The following FLRT2 variants were observed in gnomAD, a reference collection of about 807,000 sequenced individuals.
FLRT2 encodes the protein leucine-rich repeat transmembrane protein FLRT2.
Under a neutral mutation model 40.0 loss-of-function variants are expected in FLRT2, and 15 were observed. The observed-to-expected ratio is 0.38, with a 90% CI of 0.25 to 0.58. The LOEUF (loss-of-function observed/expected upper bound fraction) is 0.58, where lower values mean the gene tolerates loss of function less well. Ranked by LOEUF, FLRT2 falls within the 20% of genes least tolerant of loss-of-function variation. The pLI, the probability that FLRT2 is intolerant of heterozygous loss-of-function variation, is 0.71. For synonymous variants in FLRT2, 380 were observed against 336.8 expected (o/e 1.13, Z -1.41); for missense variants, 726 against 840.0 (o/e 0.86, Z 1.68).
At chr14:85,566,186 C>T (rs1449614686) in intron 1 of FLRT2, among the ~76,000 whole-genome samples, 2 of 152,096 alleles carry the variant, frequency 1.3e-5, no homozygotes, top group South Asian at 4.2e-4. Flanking sequence ...CACTGGAGAT[C>T]AGGAGACAAA....
At chr14:85,540,772 G>A (rs948109704) in intron 1 of FLRT2, among the ~76,000 whole-genome samples, 4 of 151,924 alleles carry the variant, frequency 2.6e-5, no homozygotes, top group African/African-American at 9.7e-5. Flanking sequence ...TAAAGTATGT[G>A]GCCACAGAAC....
rs1280911417 is a variant in FLRT2, at chr14:85,653,775, G to A, written c.*30278G>A. 4 of 152,094 alleles carry A rather than the reference G, an allele frequency of 2.6e-5. No homozygotes were observed. The highest frequency in any genetic ancestry group is 9.7e-5 in the African/African-American group (4 of 41,416). The allele number at this position is 152,094 out of a possible 1,614,324, so 9.4% of individuals were successfully genotyped here. Reference sequence around the variant, plus strand: ...GGCTTGTGTTGCAGGGATGTTTTGAGGATATGTTGATGTGTGTGACTCCTT... The same window carrying A: ...GGCTTGTGTTGCAGGGATGTTTTGAAGATATGTTGATGTGTGTGACTCCTT... On this transcript the variant is annotated 3_prime_UTR_variant, in exon 2 of 2. Coordinates refer to ENST00000330753, the MANE Select transcript of FLRT2 (RefSeq NM_013231.6).
chr14:85,573,170 G>A (rs1389221299), intron 1 of FLRT2, among the ~76,000 whole-genome samples: 2 of 151,902 alleles, frequency 1.3e-5, no homozygotes, highest in African/African-American at 4.8e-5. Flanking sequence ...GGGATGGGTG[G>A]CAAGTTATTT....
In FLRT2 at chr14:85,619,880, C is replaced by T. The variant is rs184009745; in HGVS notation, c.-376-1259C>T. Among the ~76,000 whole-genome samples, 3 of 152,320 alleles carry T rather than the reference C, an allele frequency of 2.0e-5. No individual in the cohort carries two copies. In the East Asian group the frequency reaches 5.8e-4, roughly 29 times the overall value. On this transcript the variant is annotated intron_variant, in intron 1 of 1. Transcript: ENST00000330753. ...CTGTGGATTGCCTTGACTTCCTCAA[C>T]TGTGTCTTCTGTCATTTCGAAATTT... is the stretch of plus-strand genomic sequence containing the variant.
rs1293250107 is a variant in FLRT2, at chr14:85,643,334, T to TTC, written c.*19837_*19838insTC. On this transcript the variant is annotated 3_prime_UTR_variant, in exon 2 of 2. Coordinates refer to ENST00000330753, the MANE Select transcript of FLRT2 (RefSeq NM_013231.6). ...TTCTTTCTTTCTTTCTTTCTTTCTTTCTTTCTTTCTTTCTTTCTTTCTTCC... is the reference window on the plus strand; with the variant it reads ...TTCTTTCTTTCTTTCTTTCTTTCTTTTCCTTTCTTTCTTTCTTTCTTTCTTCC... 147 of 115,122 alleles carry TTC rather than the reference T, an allele frequency of 1.3e-3. 2 individuals are homozygous for TTC. Among genetic ancestry groups the TTC allele is most frequent in the African/African-American group, 5.1e-3 (139 of 27,166 alleles). 7.1% of individuals were successfully genotyped at this position (115,122 alleles called of 1,614,324 possible).
At position 85,622,458 on chromosome 14, in the gene FLRT2, A is replaced by G; in HGVS notation, c.944A>G (p.Asp315Gly). 6.2e-7 allele frequency: 1 copy of G among 1,614,114 alleles called. No individual in the cohort carries two copies. The highest frequency in any genetic ancestry group is 8.5e-7 in the Non-Finnish European group (1 of 1,180,006). Residue 315 changes from aspartate (D) to glycine (G), a missense_variant, in exon 2 of 2, where the codon GAC (aspartate) becomes GGC (glycine). Physicochemically the swap from Asp to Gly is moderately conservative, Grantham distance 94 (BLOSUM62 -1). Coordinates refer to ENST00000330753, the MANE Select transcript of FLRT2 (RefSeq NM_013231.6). The part of the protein sequence containing the change: ...LTARNNPWFC[D>G]CSIKWVTEWL... ...GCTCGGAATAACCCTTGGTTTTGTG[A>G]CTGCAGTATTAAATGGGTCACAGAA...
At chr14:85,579,007 A>G (rs1891263804) in intron 1 of FLRT2, among the ~76,000 whole-genome samples, 2 of 152,198 alleles carry the variant, frequency 1.3e-5, no homozygotes, top group African/African-American at 4.8e-5. Flanking sequence ...GATAGAAATC[A>G]GCTTTGGGAA....
At chr14:85,564,863 A>G (rs779863000) in intron 1 of FLRT2, among the ~76,000 whole-genome samples, 2 of 152,204 alleles carry the variant, frequency 1.3e-5, no homozygotes, top group African/African-American at 4.8e-5. Flanking sequence ...TGTGAGATAG[A>G]TAAGATTTAT....
intron 1 of FLRT2, among the ~76,000 whole-genome samples, chr14:85,574,111 G>A (rs8021645): frequency 0.23 from 34,987 of 151,904 alleles, 5,078 homozygotes; most frequent in African/African-American, 0.4. Context: ...TAGTGATAAG[G>A]GCATCTGGGC....
chr14:85,576,777 G>A (rs1329799516), intron 1 of FLRT2, among the ~76,000 whole-genome samples: 1 of 152,168 alleles, frequency 6.6e-6, no homozygotes, highest in Non-Finnish European at 1.5e-5. Context: ...TTGCATTGGA[G>A]AAAAGGTATT....
intron 1 of FLRT2, among the ~76,000 whole-genome samples, chr14:85,615,041 A>T (rs1285836690): frequency 6.6e-6 from 1 of 152,150 alleles, no homozygotes; most frequent in Non-Finnish European, 1.5e-5. Context: ...GGGACCAACT[A>T]CCCAACCAGT....
At chr14:85,562,552 G>A (rs1890400817) in intron 1 of FLRT2, 1 of 151,396 alleles carries the variant, frequency 6.6e-6, no homozygotes, top group Non-Finnish European at 1.5e-5. Flanking sequence ...GAAAGAGTAG[G>A]TGGGTCTATA....
rs2139388913 is a variant in FLRT2 at position 85,633,873 on chromosome 14, T to A, written c.*10376T>A. On this transcript the variant is annotated 3_prime_UTR_variant, in exon 2 of 2. Coordinates refer to ENST00000330753, the MANE Select transcript of FLRT2 (RefSeq NM_013231.6). ...TAATTTCTAGTAAGACATAGTTTTATTTGATGCTAGTACACCACCAATTAC... is the reference window on the plus strand; with the variant it reads ...TAATTTCTAGTAAGACATAGTTTTAATTGATGCTAGTACACCACCAATTAC... The A allele has an allele frequency of 6.6e-6, 1 of 152,350 alleles. No homozygotes were observed. Among genetic ancestry groups the A allele is most frequent in the Admixed American group, 6.5e-5 (1 of 15,290 alleles). The allele number at this position is 152,350 out of a possible 1,614,324, so 9.4% of individuals were successfully genotyped here. A position where few individuals can be genotyped will look rare whatever the true frequency, so the allele number is the denominator to read the frequency against.
At chr14:85,568,443 A>C (rs1595036004) in intron 1 of FLRT2, among the ~76,000 whole-genome samples, 1 of 152,192 alleles carries the variant, frequency 6.6e-6, no homozygotes, top group Non-Finnish European at 1.5e-5. Context: ...GTCAGTGGTC[A>C]TTGCTAGGTA....
chr14:85,575,157 A>G (rs184263326), intron 1 of FLRT2, among the ~76,000 whole-genome samples: 237 of 152,308 alleles, frequency 1.6e-3, no homozygotes, highest in Middle Eastern at 3.4e-3. Flanking sequence ...AGGCACACTT[A>G]TCTTGTGAAT....
At position 85,621,418 on chromosome 14, in the gene FLRT2, T is replaced by TC; in HGVS notation, c.-96dup. 8.4e-7 allele frequency: 1 copy of TC among 1,184,230 alleles called. No homozygotes were observed. Among genetic ancestry groups the TC allele is most frequent in the African/African-American group, 1.5e-5 (1 of 64,996 alleles). 73.4% of individuals were successfully genotyped at this position (1,184,230 alleles called of 1,614,324 possible). Reference sequence around the variant, plus strand: ...TTCCCTCTAGCTGGAGTTCTGGACTTCAACAGAACCCCATCCAGTCATTTT... The same window carrying TC: ...TTCCCTCTAGCTGGAGTTCTGGACTTCCAACAGAACCCCATCCAGTCATTTT... On this transcript the variant is annotated 5_prime_UTR_variant, in exon 2 of 2. Transcript: ENST00000330753.
chr14:85,558,718 T>C lies in FLRT2; in HGVS notation c.-377+28184T>C, dbSNP rs193297668. On this transcript the variant is annotated intron_variant, in intron 1 of 1. Transcript: ENST00000330753. Reference sequence around the variant, plus strand: ...ATGAAGGGCAGCCATCACAGCAGCATTGAGGTATTTACTCACCAGGGAGTT... The same window carrying C: ...ATGAAGGGCAGCCATCACAGCAGCACTGAGGTATTTACTCACCAGGGAGTT... Among the ~76,000 whole-genome samples, 18 of 152,340 alleles carry C rather than the reference T, an allele frequency of 1.2e-4. No homozygotes were observed. The East Asian group carries it at 2.5e-3, about 21-fold the overall frequency.
At chr14:85,579,898 T>G (rs1891306932) in intron 1 of FLRT2, among the ~76,000 whole-genome samples, 1 of 150,928 alleles carries the variant, frequency 6.6e-6, no homozygotes, top group South Asian at 2.1e-4. Flanking sequence ...GGGTCAGGGG[T>G]GGTCATTCCA....
At chr14:85,540,010 G>A (rs1021108757) in intron 1 of FLRT2, among the ~76,000 whole-genome samples, 2 of 152,110 alleles carry the variant, frequency 1.3e-5, no homozygotes, top group Admixed American at 1.3e-4. Context: ...ATTAGGGTGA[G>A]TTGAGTTCAA....
Sources: gnomAD v4.1 joint callset for allele counts (sites outside exome capture counted in the v4.1 genomes callset) on GRCh38, gnomAD v4.1.1 for gene constraint, MANE v1.5 for transcripts, NCBI Gene and HGNC (gene_info 2026-07-23, HGNC 2026-07-21) for gene names.